Variants in STAT5B observed in about 807,000 individuals in gnomAD.
STAT5B encodes signal transducer and activator of transcription 5B.
STAT5B carries 21 observed loss-of-function variants against 107.8 expected under a neutral mutation model. That is an observed-to-expected ratio of 0.19 (90% CI 0.14 to 0.28). The LOEUF is 0.28. STAT5B is among the 10% of genes least tolerant of loss of function. The probability of loss-of-function intolerance (pLI) is 1.00; values close to 1 mark genes in which losing one functional copy is unlikely to be tolerated. For missense variants in STAT5B, 565 were observed against 1,008.2 expected (o/e 0.56, Z 5.95); for synonymous variants, 325 against 401.7 (o/e 0.81, Z 2.28).
chr17:42,201,919 C>T, intron 18 of STAT5B, 55 bp from the exon 19 acceptor site: 3 of 1,576,852 alleles, frequency 1.9e-6, no homozygotes, highest in Non-Finnish European at 2.6e-6. Context: ...CAGAGACCAC[C>T]CCAAGCCCCA....
chr17:42,276,565 A>G (rs2080768972), upstream of STAT5B: 2 of 148,856 alleles, frequency 1.3e-5, no homozygotes, highest in South Asian at 4.3e-4. This position sits in a 1 kb window ranked among gnomAD's most constrained non-coding sequence, Gnocchi z 4.8. Flanking sequence ...AAGGACCCGG[A>G]CCCCCTCGGC....
intron 16 of STAT5B, among the ~76,000 whole-genome samples, chr17:42,204,051 T>G (rs1266010352): frequency 6.6e-6 from 1 of 152,168 alleles, no homozygotes; most frequent in African/African-American, 2.4e-5. Flanking sequence ...GAGTGTCTAG[T>G]CTTTCAGGAA....
chr17:42,223,295 T>A, intron 5 of STAT5B, 87 bp downstream of exon 5: 4 of 1,597,308 alleles, frequency 2.5e-6, no homozygotes. Flanking sequence ...GAATGGAAAG[T>A]GTGCTTTCTC....
intron 12 of STAT5B, among the ~76,000 whole-genome samples, chr17:42,212,705 TGA>T (rs1169611468): frequency 6.6e-6 from 1 of 152,254 alleles, no homozygotes; most frequent in African/African-American, 2.4e-5. Context: ...ATGGCTTTAT[TGA>T]GAAATAGGTT....
chr17:42,214,364 C>A (rs1376817181), intron 12 of STAT5B: 1 of 985,136 alleles, frequency 1.0e-6, no homozygotes, highest in African/African-American at 1.7e-5. Flanking sequence ...GGCAGACAGA[C>A]AGTTTCAAAA....
intron 12 of STAT5B, 94 bp downstream of exon 12, chr17:42,215,920 C>A: frequency 3.6e-6 from 5 of 1,396,296 alleles, no homozygotes; most frequent in South Asian, 1.2e-5. Context: ...CTGCACCCGG[C>A]CTTTTCCTAT....
At chr17:42,274,293 A>C (rs924865210) in intron 1 of STAT5B, among the ~76,000 whole-genome samples, 1 of 151,182 alleles carries the variant, frequency 6.6e-6, no homozygotes, top group Non-Finnish European at 1.5e-5. Context: ...AAAAAAAAAA[A>C]AAAAAAAAAA....
intron 16 of STAT5B, among the ~76,000 whole-genome samples, chr17:42,206,342 G>C (rs762362060): frequency 7.3e-5 from 11 of 151,686 alleles, no homozygotes; most frequent in Non-Finnish European, 1.3e-4. Context: ...TGCCTGCCTC[G>C]GCCTCCCAAA....
chr17:42,215,937 TA>T, intron 12 of STAT5B, 76 bp downstream of exon 12: 2 of 1,507,076 alleles, frequency 1.3e-6, no homozygotes, highest in Non-Finnish European at 1.8e-6. Context: ...CTATGCTTTT[TA>T]AAAGGATAAT....
chr17:42,244,883 G>A (rs891949209), intron 1 of STAT5B, among the ~76,000 whole-genome samples: 2 of 151,950 alleles, frequency 1.3e-5, no homozygotes. Context: ...CCATGTAGAC[G>A]CATTTTTAAA....
At chr17:42,214,873 C>CG (rs1281673669) in intron 12 of STAT5B, among the ~76,000 whole-genome samples, 8 of 152,176 alleles carry the variant, frequency 5.3e-5, no homozygotes, top group African/African-American at 1.9e-4. Context: ...CCTCAGCCCC[C>CG]CCCAAGTAGC....
At chr17:42,211,909 C>G in intron 13 of STAT5B, 75 bp downstream of exon 13, 2 of 1,550,344 alleles carry the variant, frequency 1.3e-6, no homozygotes, top group Non-Finnish European at 1.7e-6. Context: ...AATAAGGGCC[C>G]AGGGCAGGGA....
intron 1 of STAT5B, among the ~76,000 whole-genome samples, chr17:42,258,505 C>G (rs1305836255): frequency 6.6e-6 from 1 of 152,090 alleles, no homozygotes; most frequent in African/African-American, 2.4e-5. Flanking sequence ...ATGGTGAAAC[C>G]CTGTCTCTAC....
chr17:42,223,285 G>A (rs777797479), intron 5 of STAT5B, 97 bp downstream of exon 5: 6 of 1,578,352 alleles, frequency 3.8e-6, no homozygotes, highest in Middle Eastern at 2.2e-4. Flanking sequence ...CGCTGCCTCC[G>A]AATGGAAAGT....
At chr17:42,267,628 G>A (rs2080684786) in intron 1 of STAT5B, among the ~76,000 whole-genome samples, 1 of 152,134 alleles carries the variant, frequency 6.6e-6, no homozygotes, top group Non-Finnish European at 1.5e-5. Flanking sequence ...TATGTGTTAA[G>A]CTAAGTGTTA....
Position 42,216,060 on chromosome 17 carries a change from T to C in STAT5B, c.1427A>G (p.Asn476Ser). 1 of 1,614,028 alleles carries C rather than the reference T, an allele frequency of 6.2e-7. No homozygotes were observed. Among genetic ancestry groups the C allele is most frequent in the Non-Finnish European group, 8.5e-7 (1 of 1,179,992 alleles). ...CCAGAGAACAGTGGCCGTCGCATTG[T>C]TGTCCTGGCTGCCATGAACGATCAC... Reference protein sequence around the residue: ...VVVIVHGSQDNNATATVLWDN... With the variant: ...VVVIVHGSQDSNATATVLWDN... Residue 476 changes from asparagine (N) to serine (S), a missense_variant, in exon 12 of 19, where the codon AAC (asparagine) becomes AGC (serine). Coordinates refer to ENST00000293328, the MANE Select transcript of STAT5B (RefSeq NM_012448.4).
chr17:42,287,032 T>C, the STAT5B span, among the ~76,000 whole-genome samples: 1 of 152,130 alleles, frequency 6.6e-6, no homozygotes, highest in South Asian at 2.1e-4. Flanking sequence ...TCCTCCTCCC[T>C]GGGGCCCCCT....
At chr17:42,267,958 CAA>C (rs776320350) in intron 1 of STAT5B, among the ~76,000 whole-genome samples, 12 of 57,266 alleles carry the variant, frequency 2.1e-4, no homozygotes, top group Admixed American at 1.9e-4. Context: ...GACTCCATCT[CAA>C]AAAAAAAAAA....
intron 1 of STAT5B, chr17:42,269,786 C>T (rs1263019211): frequency 6.6e-6 from 1 of 150,446 alleles, no homozygotes; most frequent in African/African-American, 2.5e-5. Context: ...CTTAACTTCA[C>T]AATCCACTCC....
Sources: allele counts gnomAD v4.1 joint callset (sites outside exome capture counted in the v4.1 genomes callset), GRCh38; gene constraint gnomAD v4.1.1; non-coding constraint Gnocchi (gnomAD v3.1); transcripts MANE v1.5; gene names NCBI Gene and HGNC (gene_info 2026-07-23, HGNC 2026-07-21).